UBA5: variants seen among roughly 807,000 people sequenced by gnomAD.
The protein encoded by UBA5 is ubiquitin-like modifier-activating enzyme 5.
A neutral mutation model predicts 52.9 loss-of-function variants in UBA5; 28 were observed. The ratio of observed to expected loss-of-function variants is 0.53; its 90% CI spans 0.39 to 0.73. The LOEUF (loss-of-function observed/expected upper bound fraction) is 0.73. Ranked by LOEUF, UBA5 falls within the 30% of genes least tolerant of loss-of-function variation. UBA5 has a pLI of 0.00. For missense variants in UBA5, 388 were observed against 492.7 expected (o/e 0.79, Z 2.01); for synonymous variants, 135 against 162.1 (o/e 0.83, Z 1.27).
chr3:132,672,675 ATT>A (rs1456994479), intron 8 of UBA5, among the ~76,000 whole-genome samples: 1 of 152,200 alleles, frequency 6.6e-6, no homozygotes, highest in African/African-American at 2.4e-5. Flanking sequence ...TAAATTTTAC[ATT>A]TACATAAAAT....
upstream of UBA5, among the ~76,000 whole-genome samples, chr3:132,657,692 T>C (rs1937881016): frequency 2.0e-5 from 3 of 152,230 alleles, no homozygotes; most frequent in Non-Finnish European, 4.4e-5. Flanking sequence ...GAAAATTACA[T>C]TTTAACTGTT....
rs1938804678 is a variant in UBA5, at chr3:132,675,632, G to A, written c.976G>A (p.Glu326Lys). The stretch of plus-strand genomic sequence containing the variant: ...AAAGGTAGCAGCACTGCCTAAACAA[G>A]AGGTTATACAAGAAGAGGAAGAGAT... ...KKKVAALPKQ[E>K]VIQEEEEIIH... Residue 326 changes from glutamate to lysine, a missense_variant, in exon 10 of 12, where the codon GAG becomes AAG. Physicochemically the swap from Glu to Lys is moderately conservative, Grantham distance 56 (BLOSUM62 1). Transcript: ENST00000356232. 1 of 1,612,932 alleles carries A rather than the reference G, an allele frequency of 6.2e-7. No individual in the cohort carries two copies. Among genetic ancestry groups the A allele is most frequent in the Non-Finnish European group, 8.5e-7 (1 of 1,179,384 alleles).
At chr3:132,657,034 T>C, upstream of UBA5, among the ~76,000 whole-genome samples, 1 of 152,184 alleles carries the variant, frequency 6.6e-6, no homozygotes, top group East Asian at 1.9e-4. Flanking sequence ...AATTTATCAG[T>C]CATTTCCTTT....
intron 5 of UBA5, among the ~76,000 whole-genome samples, chr3:132,670,494 A>C (rs1482133047): frequency 6.6e-6 from 1 of 152,178 alleles, no homozygotes; most frequent in East Asian, 1.9e-4. Context: ...AAAAGCAAAC[A>C]AGCAAAAAAC....
intron 5 of UBA5, 53 bp downstream of exon 5, chr3:132,670,337 AAATT>A (rs1208243402): frequency 4.0e-6 from 3 of 752,852 alleles, no homozygotes; most frequent in Non-Finnish European, 6.4e-6. Flanking sequence ...AAGTATTAGA[AAATT>A]ATTAGAAAAA....
At position 132,675,521 on chromosome 3, in the gene UBA5, T is replaced by C; in HGVS notation, c.949-84T>C. 2.0e-6 allele frequency: 3 copies of C among 1,511,424 alleles called. No homozygotes were observed. In the African/African-American group the frequency reaches 4.2e-5, roughly 21 times the overall value. 93.6% of individuals were successfully genotyped at this position (1,511,424 alleles called of 1,614,324 possible). On this transcript the variant is annotated intron_variant, in intron 9 of 11. Coordinates refer to ENST00000356232, the MANE Select transcript of UBA5 (RefSeq NM_024818.6). Reference sequence around the variant, plus strand: ...ATGTTCTTTCTTGCTTTTGGTAAGATAAAAAGCCTGTCTGAATTCTTGATT... The same window carrying C: ...ATGTTCTTTCTTGCTTTTGGTAAGACAAAAAGCCTGTCTGAATTCTTGATT...
At chr3:132,659,634 G>A (rs1374725896), upstream of UBA5, 2 of 1,610,354 alleles carry the variant, frequency 1.2e-6, no homozygotes, top group South Asian at 1.1e-5. Flanking sequence ...GTAGCCTCAC[G>A]TTCGGCCCCA....
In UBA5 at chr3:132,676,993, A is replaced by G. The variant is rs1576654907; in HGVS notation, c.*467A>G. 2 of 380,046 alleles carry G rather than the reference A, an allele frequency of 5.3e-6. No homozygotes were observed. Among genetic ancestry groups the G allele is most frequent in the East Asian group, 7.3e-5 (1 of 13,668 alleles). 23.5% of individuals were successfully genotyped at this position (380,046 alleles called of 1,614,324 possible). ...CTCATTATGTTTGGAATTGCTTTCT[A>G]TAAGAAAATTGCCCACTACTACTAA... On this transcript the variant is annotated 3_prime_UTR_variant, in exon 12 of 12. Transcript: ENST00000356232. This position sits in a 1 kb window ranked among gnomAD's most constrained non-coding sequence, Gnocchi z 4.1.
chr3:132,661,886 A>G (rs1341893995), intron 1 of UBA5, among the ~76,000 whole-genome samples: 1 of 152,256 alleles, frequency 6.6e-6, no homozygotes, highest in Non-Finnish European at 1.5e-5. Context: ...CACTGTTTTA[A>G]CTGTGTTGCC....
Position 132,677,930 on chromosome 3 carries a change from C to A in UBA5, c.*1404C>A, listed in dbSNP as rs899564538. 6.6e-6 allele frequency: 1 copy of A among 152,090 alleles called. No individual in the cohort carries two copies. Among genetic ancestry groups the A allele is most frequent in the Non-Finnish European group, 1.5e-5 (1 of 67,986 alleles). The allele number at this position is 152,090 out of a possible 1,614,324, so 9.4% of individuals were successfully genotyped here. A position where few individuals can be genotyped will look rare whatever the true frequency, so the allele number is the denominator to read the frequency against. ...TATGTTGCCTTGGTGAGTCTTCTAT[C>A]ATTTTTTAAAAATTTAGCTTATTGA... On this transcript the variant is annotated 3_prime_UTR_variant, in exon 12 of 12. Coordinates refer to ENST00000356232, the MANE Select transcript of UBA5 (RefSeq NM_024818.6).
Position 132,660,981 on chromosome 3 carries a change from G to A in UBA5, c.161+283G>A, listed in dbSNP as rs1268603431. 4.1e-6 allele frequency: 6 copies of A among 1,471,346 alleles called. No homozygotes were observed. The African/African-American group carries it at 7.0e-5, about 17-fold the overall frequency. 91.1% of individuals were successfully genotyped at this position (1,471,346 alleles called of 1,614,324 possible). A position where few individuals can be genotyped will look rare whatever the true frequency, so the allele number is the denominator to read the frequency against. ...ATCACCCTTGCCTCTTAATTAGTCC[G>A]CCTCGCTGTGTATAAGACTGATAGT... is the stretch of plus-strand genomic sequence containing the variant. On this transcript the variant is annotated intron_variant, in intron 1 of 11. Transcript: ENST00000356232. The surrounding 1 kb of genome is among the most constrained non-coding windows in gnomAD (Gnocchi z 4.1).
chr3:132,656,477 G>C (rs1937808383), upstream of UBA5, among the ~76,000 whole-genome samples: 4 of 150,096 alleles, frequency 2.7e-5, no homozygotes, highest in Admixed American at 2.6e-4. Context: ...CCCATATCCT[G>C]ATGCTTGATA....
At chr3:132,671,438 T>C (rs548767219) in intron 6 of UBA5, among the ~76,000 whole-genome samples, 7 of 152,310 alleles carry the variant, frequency 4.6e-5, no homozygotes, top group Non-Finnish European at 1.0e-4. Flanking sequence ...TATTTTCCTT[T>C]TGAATATTGT....
Position 132,676,519 on chromosome 3 carries a change from A to G in UBA5, c.1208A>G (p.Asn403Ser), listed in dbSNP as rs144072225. The G allele has an allele frequency of 6.2e-7, 1 of 1,604,140 alleles. No individual in the cohort carries two copies. Among genetic ancestry groups the G allele is most frequent in the Non-Finnish European group, 8.5e-7 (1 of 1,173,582 alleles). Reference sequence around the variant, plus strand: ...GAAGACCTCATGGCCAAAATGAAGAATATGTAGATAATGGACTGGGATATA... The same window carrying G: ...GAAGACCTCATGGCCAAAATGAAGAGTATGTAGATAATGGACTGGGATATA... Reference protein sequence around the residue: ...SLEDLMAKMKNM With the variant: ...SLEDLMAKMKSM Residue 403 changes from asparagine (N) to serine (S), a missense_variant, in exon 12 of 12, where the codon AAT becomes AGT. Transcript: ENST00000356232. This position sits in a 1 kb window ranked among gnomAD's most constrained non-coding sequence, Gnocchi z 4.1.
chr3:132,654,518 C>G (rs1000090183), exon 1 of UBA5: 22 of 152,198 alleles, frequency 1.4e-4, no homozygotes, highest in African/African-American at 5.3e-4. Flanking sequence ...CAAAAGTCAG[C>G]TGAAGATAAT....
chr3:132,670,087 C>CGAT, intron 4 of UBA5, 111 bp from the exon 5 acceptor site: 1 of 617,874 alleles, frequency 1.6e-6, no homozygotes, highest in Non-Finnish European at 2.9e-6. Context: ...GCAGTGGGTG[C>CGAT]GATGATAGCT....
At chr3:132,675,992 T>TG (rs1938823357) in intron 11 of UBA5, 69 bp downstream of exon 11, 1 of 1,043,728 alleles carries the variant, frequency 9.6e-7, no homozygotes, top group Non-Finnish European at 1.4e-6. Flanking sequence ...CATTCTAATT[T>TG]GTAATGCCAA....
chr3:132,661,022 A>T (rs1273684442), intron 1 of UBA5: 2 of 1,391,974 alleles, frequency 1.4e-6, no homozygotes, highest in Non-Finnish European at 9.5e-7. Flanking sequence ...CTTTCAGAAG[A>T]TGAGATCAAA....
chr3:132,668,987 T>C, intron 4 of UBA5, 60 bp downstream of exon 4: 6 of 1,105,436 alleles, frequency 5.4e-6, no homozygotes, highest in Non-Finnish European at 7.8e-6. Context: ...GTATTTGATA[T>C]GAGTTAATAT....
Sources: allele counts gnomAD v4.1 joint callset (sites outside exome capture counted in the v4.1 genomes callset), GRCh38; gene constraint gnomAD v4.1.1; non-coding constraint Gnocchi (gnomAD v3.1); transcripts MANE v1.5; gene names NCBI Gene and HGNC (gene_info 2026-07-23, HGNC 2026-07-21).